Variants in SOX5 observed in about 807,000 individuals in gnomAD.
SOX5 encodes the protein transcription factor SOX-5.
SOX5 carries 9 observed loss-of-function variants against 92.0 expected under a neutral mutation model. The ratio of observed to expected loss-of-function variants is 0.10; its 90% CI spans 0.06 to 0.17. The LOEUF (loss-of-function observed/expected upper bound fraction) is 0.17, where lower values mean the gene tolerates loss of function less well. Ranked by LOEUF, SOX5 falls within the 10% of genes least tolerant of loss-of-function variation. The pLI is 1.00. For missense variants in SOX5, 642 were observed against 944.5 expected (o/e 0.68, Z 4.20); for synonymous variants, 344 against 336.3 (o/e 1.02, Z -0.25).
chr12:24,394,917 C>T (rs1027655825), intron 1 of SOX5, among the ~76,000 whole-genome samples: 11 of 152,030 alleles, frequency 7.2e-5, no homozygotes, highest in South Asian at 6.2e-4. Context: ...AATTACGATA[C>T]GCCTTTTCAC....
chr12:24,448,381 A>G (rs1410657276), intron 1 of SOX5, among the ~76,000 whole-genome samples: 2 of 152,182 alleles, frequency 1.3e-5, no homozygotes, highest in African/African-American at 4.8e-5. Flanking sequence ...GCTGAAAAAA[A>G]TATCCATTCA....
intron 4 of SOX5, among the ~76,000 whole-genome samples, chr12:23,752,746 C>T (rs1320716419): frequency 6.6e-6 from 1 of 151,832 alleles, no homozygotes; most frequent in Non-Finnish European, 1.5e-5. Context: ...TGTAAACTGA[C>T]CAGTTATACT....
At chr12:24,230,771 G>A (rs9804750) in intron 3 of SOX5, among the ~76,000 whole-genome samples, 47,362 of 151,998 alleles carry the variant, frequency 0.31, 7,773 homozygotes, top group African/African-American at 0.37. Context: ...CAAGAATCAT[G>A]CCCTGACACA....
intron 1 of SOX5, among the ~76,000 whole-genome samples, chr12:23,939,419 T>A (rs1943201787): frequency 6.6e-6 from 1 of 150,920 alleles, no homozygotes; most frequent in Admixed American, 6.6e-5. Flanking sequence ...AACAAGAGAA[T>A]AATACCCATT....
At position 23,943,849 on chromosome 12, in the gene SOX5, A is replaced by G. The variant is rs920206307; in HGVS notation, c.38+5715T>C. 4.6e-5 allele frequency among the ~76,000 whole-genome samples: 7 copies of G among 152,230 alleles called. No individual in the cohort carries two copies. The East Asian group carries it at 1.4e-3, about 30-fold the overall frequency. On this transcript the variant is annotated intron_variant, in intron 1 of 14. Transcript: ENST00000451604. ...TTTATGGGCAAAAACTCCTTAAACTACCTTGTAATAGATTAATTACTTTCA... is the reference window on the plus strand; with the variant it reads ...TTTATGGGCAAAAACTCCTTAAACTGCCTTGTAATAGATTAATTACTTTCA...
chr12:23,979,707 G>GTTTTTTTTTTTTT (rs1177945407), intron 4 of SOX5, among the ~76,000 whole-genome samples: 6 of 77,472 alleles, frequency 7.7e-5, no homozygotes, highest in African/African-American at 1.1e-4. Flanking sequence ...TGTTTTTTTT[G>GTTTTTTTTTTTTT]TTTTTTTTTT....
At chr12:23,971,121 C>CTTGTTTTTT (rs1948275759) in intron 4 of SOX5, among the ~76,000 whole-genome samples, 1 of 86,222 alleles carries the variant, frequency 1.2e-5, no homozygotes, top group Non-Finnish European at 2.0e-5. Flanking sequence ...TGTCAGCTGA[C>CTTGTTTTTT]TTTTTTTTTT....
intron 1 of SOX5, among the ~76,000 whole-genome samples, chr12:23,933,687 GT>G (rs905342796): frequency 6.6e-6 from 1 of 151,560 alleles, no homozygotes; most frequent in African/African-American, 2.4e-5. Context: ...CTTGTGCTAT[GT>G]TTACAATATC....
intron 1 of SOX5, among the ~76,000 whole-genome samples, chr12:24,548,819 G>T (rs1237394384): frequency 2.0e-5 from 3 of 152,062 alleles, no homozygotes; most frequent in South Asian, 4.1e-4. Context: ...GTTCATTCCT[G>T]CCTCTCTTAA....
chr12:24,023,460 T>A (rs1045690892), intron 4 of SOX5, among the ~76,000 whole-genome samples: 3 of 152,160 alleles, frequency 2.0e-5, no homozygotes, highest in Non-Finnish European at 4.4e-5. Flanking sequence ...ACAGTTTAAG[T>A]CTTACAGTGT....
chr12:23,892,879 A>T (rs562447291), intron 2 of SOX5, among the ~76,000 whole-genome samples: 3 of 152,184 alleles, frequency 2.0e-5, no homozygotes, highest in African/African-American at 7.2e-5. Context: ...AAAATTCTCA[A>T]TTCGTTTTTA....
At chr12:23,548,747 C>T (rs1031317721) in intron 11 of SOX5, among the ~76,000 whole-genome samples, 1 of 151,936 alleles carries the variant, frequency 6.6e-6, no homozygotes, top group Admixed American at 6.6e-5. Context: ...TTCCATATGA[C>T]AACTGATCCT....
At chr12:24,193,118 G>A (rs1378939450) in intron 4 of SOX5, among the ~76,000 whole-genome samples, 1 of 152,024 alleles carries the variant, frequency 6.6e-6, no homozygotes, top group Non-Finnish European at 1.5e-5. Context: ...GTACACACAC[G>A]AAAAACTGTA....
At chr12:23,712,608 A>G (rs574728658) in intron 6 of SOX5, among the ~76,000 whole-genome samples, 1 of 152,312 alleles carries the variant, frequency 6.6e-6, no homozygotes, top group Admixed American at 6.5e-5. Flanking sequence ...AGATTAAGTA[A>G]CATCTAAGTG....
intron 1 of SOX5, among the ~76,000 whole-genome samples, chr12:24,498,312 C>G (rs1414812846): frequency 1.3e-5 from 2 of 151,990 alleles, no homozygotes; most frequent in African/African-American, 4.8e-5. Flanking sequence ...GATTAAGTAA[C>G]TTTCCAAAGA....
At chr12:24,374,500 CACACACACACACACAT>C (rs1426839122) in intron 1 of SOX5, among the ~76,000 whole-genome samples, 8 of 142,270 alleles carry the variant, frequency 5.6e-5, no homozygotes, top group Admixed American at 3.4e-4. Context: ...TCCAGACCAC[CACACACACACACACAT>C]ACACACACAC....
chr12:23,606,754 G>T (rs977786054), intron 8 of SOX5, among the ~76,000 whole-genome samples: 1 of 151,952 alleles, frequency 6.6e-6, no homozygotes, highest in African/African-American at 2.4e-5. Context: ...GGAAATAAAA[G>T]TTATACATAT....
At chr12:23,801,790 C>A (rs2095663869) in intron 3 of SOX5, among the ~76,000 whole-genome samples, 2 of 151,994 alleles carry the variant, frequency 1.3e-5, no homozygotes, top group Non-Finnish European at 2.9e-5. Flanking sequence ...TTTATTCATG[C>A]TTTCAGTTAC....
intron 9 of SOX5, among the ~76,000 whole-genome samples, chr12:23,596,819 G>C (rs137889093): frequency 2.2e-4 from 33 of 152,218 alleles, no homozygotes; most frequent in African/African-American, 7.7e-4. Context: ...ACAATAGCTA[G>C]ATAAGTAGTG....
Sources: gnomAD v4.1 joint callset for allele counts (sites outside exome capture counted in the v4.1 genomes callset) on GRCh38, gnomAD v4.1.1 for gene constraint, MANE v1.5 for transcripts, NCBI Gene and HGNC (gene_info 2026-07-23, HGNC 2026-07-21) for gene names.